GABRR2: variants seen among roughly 807,000 people sequenced by gnomAD.
GABRR2 encodes gamma-aminobutyric acid receptor subunit rho-2.
In GABRR2, 36 loss-of-function variants were observed where a neutral mutation model predicts 47.0. The observed-to-expected ratio is 0.77, with a 90% confidence interval of 0.59 to 1.01. The LOEUF is 1.01. Among genes scored for constraint, GABRR2 ranks in the 50% least tolerant of loss-of-function variants. The pLI is 0.00. For missense variants in GABRR2, 587 were observed against 594.6 expected (o/e 0.99, Z 0.13); for synonymous variants, 204 against 227.5 (o/e 0.90, Z 0.93).
chr6:89,300,736 C>T (rs947459582), intron 1 of GABRR2, among the ~76,000 whole-genome samples: 2 of 94,958 alleles, frequency 2.1e-5, no homozygotes, highest in Admixed American at 3.1e-4. Flanking sequence ...TAATAAATAG[C>T]GTACCAACCA....
intron 2 of GABRR2, among the ~76,000 whole-genome samples, chr6:89,286,898 G>A (rs1231489940): frequency 6.6e-6 from 1 of 152,166 alleles, no homozygotes; most frequent in East Asian, 1.9e-4. Flanking sequence ...GAAGCCCCTG[G>A]GAAGAAGCCC....
chr6:89,302,949 C>A, intron 1 of GABRR2: 1 of 1,230,320 alleles, frequency 8.1e-7, no homozygotes, highest in Non-Finnish European at 1.1e-6. Context: ...CCTTCCTACA[C>A]TGGTACATGG....
intron 2 of GABRR2, among the ~76,000 whole-genome samples, chr6:89,297,977 C>G (rs573711040): frequency 6.6e-6 from 1 of 152,342 alleles, no homozygotes; most frequent in Non-Finnish European, 1.5e-5. Context: ...TTTGGGGACG[C>G]CTTGCTTAGA....
At position 89,258,616 on chromosome 6, in the gene GABRR2, G is replaced by A. The variant is rs569586859; in HGVS notation, c.1087-635C>T. ...TGCACCTGTAGTCCTAGCTACTCAG[G>A]AGGCTGAGGCAGGAGGATCACTTGA... On this transcript the variant is annotated intron_variant, in intron 8 of 8. Coordinates refer to ENST00000402938, the MANE Select transcript of GABRR2 (RefSeq NM_002043.5). Among the ~76,000 whole-genome samples the A allele has an allele frequency of 2.4e-3, 361 of 151,302 alleles. 1 individual carries two copies. Among genetic ancestry groups the A allele is most frequent in the Non-Finnish European group, 3.8e-3 (255 of 67,850 alleles).
chr6:89,256,091 T>C lies in GABRR2; in HGVS notation c.*1579A>G, dbSNP rs282131. On this transcript the variant is annotated 3_prime_UTR_variant, in exon 9 of 9. Transcript: ENST00000402938. ...ACACCTGGCTAATATTTTTAATTTT[T>C]ACTAATTTAAATTTAAATAGACATG... Among the ~76,000 whole-genome samples the C allele has an allele frequency of 0.78, 116,017 of 148,666 alleles. 45,699 individuals carry two copies. Among genetic ancestry groups the C allele is most frequent in the African/African-American group, 0.89 (35,874 of 40,152 alleles).
chr6:89,298,132 G>A (rs1036842206), intron 2 of GABRR2, among the ~76,000 whole-genome samples: 1 of 152,142 alleles, frequency 6.6e-6, no homozygotes, highest in Non-Finnish European at 1.5e-5. Flanking sequence ...TTGACCTTCC[G>A]TGGGCGTCAA....
At position 89,264,492 on chromosome 6, in the gene GABRR2, A is replaced by G. The variant is rs1254895688; in HGVS notation, c.1006T>C (p.Phe336Leu). ...GCCGCATACTCCAGCACCGAGAGGA[A>G]CACGAACACAAAGCTGACCCAGAGG... The part of the protein sequence containing the change: ...IYLWVSFVFV[F>L]LSVLEYAAVN... Residue 336 changes from phenylalanine to leucine, a missense_variant, in exon 8 of 9, where the codon TTC (phenylalanine) becomes CTC (leucine). Physicochemically the swap from Phe to Leu is conservative, Grantham distance 22. Transcript: ENST00000402938. The G allele has an allele frequency of 1.4e-5, 23 of 1,614,036 alleles. No individual in the cohort carries two copies. The highest frequency in any genetic ancestry group is 1.9e-5 in the Non-Finnish European group (22 of 1,179,996).
chr6:89,300,172 T>C (rs531530387), intron 1 of GABRR2, among the ~76,000 whole-genome samples: 1 of 152,178 alleles, frequency 6.6e-6, no homozygotes, highest in Admixed American at 6.5e-5. Flanking sequence ...CTAGCTAGAC[T>C]AATAAAGAAG....
At chr6:89,310,132 A>G (rs1332610543) in intron 1 of GABRR2, among the ~76,000 whole-genome samples, 3 of 152,098 alleles carry the variant, frequency 2.0e-5, no homozygotes, top group Non-Finnish European at 4.4e-5. Flanking sequence ...ATGGTATCAT[A>G]TAGAATAGTT....
At chr6:89,302,955 C>A in intron 1 of GABRR2, 1 of 1,250,318 alleles carries the variant, frequency 8.0e-7, no homozygotes, top group Non-Finnish European at 1.1e-6. Flanking sequence ...TACACTGGTA[C>A]ATGGGCAAGG....
intron 1 of GABRR2, chr6:89,301,881 C>A: frequency 8.7e-7 from 1 of 1,146,356 alleles, no homozygotes; most frequent in Non-Finnish European, 1.3e-6. Context: ...TAGACCCCAG[C>A]GGCAACTACG....
intron 2 of GABRR2, among the ~76,000 whole-genome samples, chr6:89,289,608 C>A (rs541592724): frequency 8.6e-5 from 13 of 151,868 alleles, no homozygotes; most frequent in African/African-American, 2.9e-4. Context: ...ATGGGGGGCA[C>A]GCCAGAGCAG....
Position 89,269,199 on chromosome 6 carries a change from C to G in GABRR2, c.324G>C (p.Trp108Cys). ...FTMTLYLRHYWKDERLAFSSA... is the reference protein window; with the variant it reads ...FTMTLYLRHYCKDERLAFSSA... The stretch of plus-strand genomic sequence containing the variant: ...TGGAGAAAGCTAGCCTCTCATCCTT[C>G]CAGTAATGCCGCAGGTACAGGGTCA... The change falls in exon 4 of 9, where the codon TGG becomes TGC. Residue 108 changes from tryptophan to cysteine, a missense_variant. Trp to Cys is a radical substitution (Grantham distance 215). Coordinates refer to ENST00000402938, the MANE Select transcript of GABRR2 (RefSeq NM_002043.5). 6.2e-7 allele frequency: 1 copy of G among 1,614,034 alleles called. No individual in the cohort carries two copies. The highest frequency in any genetic ancestry group is 8.5e-7 in the Non-Finnish European group (1 of 1,179,902).
At chr6:89,297,337 G>C (rs1320278510) in intron 2 of GABRR2, among the ~76,000 whole-genome samples, 1 of 152,104 alleles carries the variant, frequency 6.6e-6, no homozygotes, top group African/African-American at 2.4e-5. Flanking sequence ...TCAGCTCTGC[G>C]CCAAGACATG....
chr6:89,276,382 C>A (rs530043537), intron 2 of GABRR2, among the ~76,000 whole-genome samples: 3 of 151,918 alleles, frequency 2.0e-5, no homozygotes, highest in Admixed American at 6.5e-5. Context: ...AACTTAGAAT[C>A]AATATAAATT....
intron 2 of GABRR2, among the ~76,000 whole-genome samples, chr6:89,289,216 C>G (rs1208286636): frequency 1.3e-5 from 2 of 152,092 alleles, no homozygotes; most frequent in Non-Finnish European, 2.9e-5. Context: ...AGAGAAGAGG[C>G]CTTGCCTGGG....
chr6:89,313,115 C>T (rs929338370), intron 1 of GABRR2, among the ~76,000 whole-genome samples: 5 of 152,168 alleles, frequency 3.3e-5, no homozygotes, highest in East Asian at 1.9e-4. Flanking sequence ...AAATCAGGAA[C>T]CTACATTCTA....
Position 89,298,785 on chromosome 6 carries a change from C to T in GABRR2, c.220+974G>A, listed in dbSNP as rs1774598562. Among the ~76,000 whole-genome samples, 2 of 152,144 alleles carry T rather than the reference C, an allele frequency of 1.3e-5. 1 individual carries two copies. The highest frequency in any genetic ancestry group is 4.1e-4 in the South Asian group (2 of 4,830). On this transcript the variant is annotated intron_variant, in intron 2 of 8. Transcript: ENST00000402938. The stretch of plus-strand genomic sequence containing the variant: ...ACAAATGTGTATGTTGCAATCCTAA[C>T]CCGCAATGGGATGGTACTAGGAAGT...
At chr6:89,260,607 TTTTACC>T (rs1286509845) in intron 8 of GABRR2, among the ~76,000 whole-genome samples, 3 of 152,150 alleles carry the variant, frequency 2.0e-5, no homozygotes, top group African/African-American at 7.2e-5. Context: ...CCCAGGCAGC[TTTTACC>T]TTTACAGAGT....
Sources: gnomAD v4.1 joint callset for allele counts (sites outside exome capture counted in the v4.1 genomes callset) on GRCh38, gnomAD v4.1.1 for gene constraint, MANE v1.5 for transcripts, NCBI Gene and HGNC (gene_info 2026-07-23, HGNC 2026-07-21) for gene names.